Variants in GPD2 observed in about 807,000 individuals in gnomAD.
GPD2 encodes glycerol-3-phosphate dehydrogenase 2.
GPD2 carries 54 observed loss-of-function variants against 82.4 expected under a neutral mutation model. That is an observed-to-expected ratio of 0.66 (90% confidence interval 0.53 to 0.82). The LOEUF is 0.82. Among genes scored for constraint, GPD2 ranks in the 40% least tolerant of loss-of-function variants. The pLI is 0.00. For missense variants in GPD2, 748 were observed against 896.2 expected, an observed-to-expected ratio of 0.83 and a Z score of 2.11; for synonymous variants, 288 against 306.1, an observed-to-expected ratio of 0.94 and a Z score of 0.62.
chr2:156,408,512 G>A, the GPD2 span, among the ~76,000 whole-genome samples: 1 of 151,890 alleles, frequency 6.6e-6, no homozygotes, highest in Admixed American at 6.6e-5. Context: ...CATGGCTTGA[G>A]CCCAGGAGTT....
intron 3 of GPD2, among the ~76,000 whole-genome samples, chr2:156,502,717 T>C (rs1684631120): frequency 6.6e-6 from 1 of 152,172 alleles, no homozygotes; most frequent in East Asian, 1.9e-4. Context: ...GGAGCCTCTG[T>C]GCCTGGCCAT....
chr2:156,482,382 C>CT (rs770019415), intron 2 of GPD2, among the ~76,000 whole-genome samples: 7 of 152,118 alleles, frequency 4.6e-5, no homozygotes, highest in East Asian at 3.9e-4. Flanking sequence ...CTGTTTCTTT[C>CT]TTTTTTTCTA....
chr2:156,407,365 AC>A, the GPD2 span, among the ~76,000 whole-genome samples: 2 of 152,212 alleles, frequency 1.3e-5, 1 homozygote, highest in South Asian at 4.1e-4. Context: ...TACATACTAT[AC>A]ATACTGTTAT....
chr2:156,500,789 C>T (rs1171554948), intron 3 of GPD2, among the ~76,000 whole-genome samples: 1 of 152,146 alleles, frequency 6.6e-6, no homozygotes, highest in African/African-American at 2.4e-5. Flanking sequence ...TATTTGCATT[C>T]TTATCATCTG....
At chr2:156,534,742 T>C (rs1335217153) in intron 6 of GPD2, among the ~76,000 whole-genome samples, 1 of 151,962 alleles carries the variant, frequency 6.6e-6, no homozygotes, top group Non-Finnish European at 1.5e-5. Flanking sequence ...ATTATATGAA[T>C]ACCATCTATA....
intron 6 of GPD2, among the ~76,000 whole-genome samples, chr2:156,523,136 T>G (rs1462158174): frequency 6.6e-6 from 1 of 152,190 alleles, no homozygotes; most frequent in African/African-American, 2.4e-5. Context: ...GTTTCACTCT[T>G]GGTGTACATT....
chr2:156,448,271 C>T (rs1204199564), intron 1 of GPD2, among the ~76,000 whole-genome samples: 1 of 152,070 alleles, frequency 6.6e-6, no homozygotes, highest in Non-Finnish European at 1.5e-5. Flanking sequence ...CCATGCCCGG[C>T]TAATTGTTTT....
At chr2:156,400,702 A>G in the GPD2 span, among the ~76,000 whole-genome samples, 1 of 152,174 alleles carries the variant, frequency 6.6e-6, no homozygotes, top group Non-Finnish European at 1.5e-5. Flanking sequence ...TAAAGATCTT[A>G]ATACAGTAAT....
At chr2:156,554,835 T>A (rs1686901098) in intron 8 of GPD2, among the ~76,000 whole-genome samples, 1 of 152,234 alleles carries the variant, frequency 6.6e-6, no homozygotes, top group Admixed American at 6.5e-5. Context: ...TAACACTGAT[T>A]GCTAAGTAGT....
At position 156,583,124 on chromosome 2, in the gene GPD2, T is replaced by A; in HGVS notation, c.*206T>A. 1 of 575,150 alleles carries A rather than the reference T, an allele frequency of 1.7e-6. No individual in the cohort carries two copies. Among genetic ancestry groups the A allele is most frequent in the Non-Finnish European group, 3.1e-6 (1 of 325,212 alleles). 35.6% of individuals were successfully genotyped at this position (575,150 alleles called of 1,614,324 possible). ...TTGTATTTGCCATTCAGTCTAGCTT[T>A]TAAGTATATTTTTTTCTTTTTCTCA... On this transcript the variant is annotated 3_prime_UTR_variant, in exon 17 of 17. Coordinates refer to ENST00000438166, the MANE Select transcript of GPD2 (RefSeq NM_000408.5).
chr2:156,416,095 T>C, the GPD2 span, among the ~76,000 whole-genome samples: 1 of 151,448 alleles, frequency 6.6e-6, no homozygotes, highest in Non-Finnish European at 1.5e-5. Flanking sequence ...TCTCTGCAAA[T>C]ACACTTAATT....
At chr2:156,503,580 T>A (rs1215913410) in intron 3 of GPD2, among the ~76,000 whole-genome samples, 2 of 152,164 alleles carry the variant, frequency 1.3e-5, no homozygotes, top group African/African-American at 4.8e-5. Context: ...AATTGGATAT[T>A]CAGTTATTGA....
At chr2:156,524,047 T>G (rs1452616419) in intron 6 of GPD2, among the ~76,000 whole-genome samples, 1 of 152,206 alleles carries the variant, frequency 6.6e-6, no homozygotes, top group African/African-American at 2.4e-5. Context: ...GATATATTAT[T>G]GCTTAATGGT....
At chr2:156,449,186 G>A (rs1682467009) in intron 1 of GPD2, among the ~76,000 whole-genome samples, 1 of 151,988 alleles carries the variant, frequency 6.6e-6, no homozygotes, top group African/African-American at 2.4e-5. Flanking sequence ...AACATTCACA[G>A]GTTCCAGGGA....
intron 1 of GPD2, among the ~76,000 whole-genome samples, chr2:156,452,373 A>G (rs1422451045): frequency 6.6e-6 from 1 of 152,274 alleles, no homozygotes; most frequent in Non-Finnish European, 1.5e-5. Context: ...CCAACACAGC[A>G]AAACCCCGTC....
chr2:156,534,224 G>C (rs752349857), intron 6 of GPD2, among the ~76,000 whole-genome samples: 1 of 147,260 alleles, frequency 6.8e-6, no homozygotes, highest in African/African-American at 2.5e-5. Context: ...AACTCTTCTT[G>C]ATGTTTAAAT....
At chr2:156,416,293 G>T in the GPD2 span, among the ~76,000 whole-genome samples, 1 of 151,560 alleles carries the variant, frequency 6.6e-6, no homozygotes, top group East Asian at 1.9e-4. Context: ...GTAGAAGAAG[G>T]GAAGTCTCAT....
chr2:156,444,103 A>G (rs547481296), intron 1 of GPD2, among the ~76,000 whole-genome samples: 1 of 152,288 alleles, frequency 6.6e-6, no homozygotes, highest in Non-Finnish European at 1.5e-5. Context: ...AAGTCCATGG[A>G]GAGCATGAAA....
chr2:156,452,167 G>A (rs1013330701), intron 1 of GPD2, among the ~76,000 whole-genome samples: 2 of 152,208 alleles, frequency 1.3e-5, no homozygotes, highest in Admixed American at 6.5e-5. Context: ...CCGGGCAGAG[G>A]CTGCACTCCT....
Sources: gnomAD v4.1 joint callset for allele counts (sites outside exome capture counted in the v4.1 genomes callset) on GRCh38, gnomAD v4.1.1 for gene constraint, MANE v1.5 for transcripts, NCBI Gene and HGNC (gene_info 2026-07-23, HGNC 2026-07-21) for gene names.